Variants in WDFY4 observed in about 807,000 individuals in gnomAD.
WDFY4 encodes WD repeat- and FYVE domain-containing protein 4.
A neutral mutation model predicts 351.9 loss-of-function variants in WDFY4; 169 were observed. The observed-to-expected ratio is 0.48, with a 90% confidence interval of 0.42 to 0.55. The LOEUF (loss-of-function observed/expected upper bound fraction) is 0.55. WDFY4 is among the 20% of genes least tolerant of loss of function. The probability of loss-of-function intolerance (pLI) is 0.00; values close to 1 mark genes in which losing one functional copy is unlikely to be tolerated. For missense variants in WDFY4, 3,803 were observed against 3,935.6 expected (o/e 0.97, Z 0.90); for synonymous variants, 1,622 against 1,574.6 (o/e 1.03, Z -0.71).
In WDFY4 at chr10:48,982,772, G is replaced by GC. The variant is rs767018352; in HGVS notation, c.*198dup. 1.6e-6 allele frequency: 1 copy of GC among 621,134 alleles called. No individual in the cohort carries two copies. The highest frequency in any genetic ancestry group is 3.5e-5 in the East Asian group (1 of 28,734). 38.5% of individuals were successfully genotyped at this position (621,134 alleles called of 1,614,324 possible). A position where few individuals can be genotyped will look rare whatever the true frequency, so the allele number is the denominator to read the frequency against. On this transcript the variant is annotated 3_prime_UTR_variant, in exon 62 of 62. Coordinates refer to ENST00000325239, the MANE Select transcript of WDFY4 (RefSeq NM_001394531.1). The stretch of plus-strand genomic sequence containing the variant: ...GATGGGACTTCTATGAAAAGGATGA[G>GC]CACACACACTCGGAGGGCTGAGCAG...
At chr10:48,784,757 G>A (rs545900900) in intron 19 of WDFY4, among the ~76,000 whole-genome samples, 302 of 150,080 alleles carry the variant, frequency 2.0e-3, no homozygotes, top group African/African-American at 6.7e-3. Context: ...GGCCAGGATG[G>A]TCTCAATCTC....
chr10:48,743,340 T>C lies in WDFY4; in HGVS notation c.2251T>C (p.Ser751Pro). The C allele has an allele frequency of 6.4e-7, 1 of 1,551,614 alleles. No homozygotes were observed. Among genetic ancestry groups the C allele is most frequent in the Non-Finnish European group, 8.7e-7 (1 of 1,146,956 alleles). Residue 751 changes from serine (S) to proline (P), a missense_variant, in exon 12 of 62, where the codon TCC becomes CCC. Transcript: ENST00000325239. Reference protein sequence around the residue: ...PFADLLGTAFSSSGSLPPRIQ... With the variant: ...PFADLLGTAFPSSGSLPPRIQ... Reference sequence around the variant, plus strand: ...TGCAGATTTGCTGGGCACTGCCTTTTCCTCCAGCGGCTCACTCCCACCCCG... The same window carrying C: ...TGCAGATTTGCTGGGCACTGCCTTTCCCTCCAGCGGCTCACTCCCACCCCG...
chr10:48,809,809 C>T (rs925645949), intron 28 of WDFY4, among the ~76,000 whole-genome samples: 1 of 152,236 alleles, frequency 6.6e-6, no homozygotes, highest in African/African-American at 2.4e-5. Context: ...CTTCTCTTCA[C>T]TCCTAGTCCA....
intron 40 of WDFY4, among the ~76,000 whole-genome samples, chr10:48,869,000 A>G (rs1056075279): frequency 2.0e-5 from 3 of 152,200 alleles, no homozygotes; most frequent in African/African-American, 7.2e-5. Context: ...AAAGTTGTGC[A>G]ATTTTCCTGT....
intron 12 of WDFY4, among the ~76,000 whole-genome samples, chr10:48,756,452 T>C (rs2065340565): frequency 6.6e-6 from 1 of 152,050 alleles, no homozygotes; most frequent in African/African-American, 2.4e-5. Context: ...AATCTCATCG[T>C]CTGTGACTAG....
chr10:48,850,935 A>G (rs1190870233), intron 39 of WDFY4, among the ~76,000 whole-genome samples: 1 of 152,246 alleles, frequency 6.6e-6, no homozygotes, highest in Non-Finnish European at 1.5e-5. Context: ...AGCACATTGT[A>G]TATTCTGTTA....
Position 48,976,813 on chromosome 10 carries a change from G to A in WDFY4, c.9125G>A (p.Cys3042Tyr). ...ISDVSGTIVSCAGAHLSLWNV... is the reference protein window; with the variant it reads ...ISDVSGTIVSYAGAHLSLWNV... ...ACTGCACAGGGCACCATTGTCTCCT[G>A]TGCGGGAGCACACTTGTCCCTGTGG... is the stretch of plus-strand genomic sequence containing the variant. Residue 3042 changes from cysteine to tyrosine, a missense_variant, in exon 59 of 62, where the codon TGT becomes TAT. Around this residue, in one of 3 missense-constraint regions of WDFY4, gnomAD observed 3,054 missense variants for 3,148.6 expected, o/e 0.97. Coordinates refer to ENST00000325239, the MANE Select transcript of WDFY4 (RefSeq NM_001394531.1). 6.7e-7 allele frequency: 1 copy of A among 1,484,672 alleles called. No individual in the cohort carries two copies. Among genetic ancestry groups the A allele is most frequent in the Non-Finnish European group, 9.0e-7 (1 of 1,110,226 alleles). 92.0% of individuals were successfully genotyped at this position (1,484,672 alleles called of 1,614,324 possible).
intron 8 of WDFY4, among the ~76,000 whole-genome samples, chr10:48,730,550 ATTAT>A (rs1201267430): frequency 2.0e-5 from 3 of 152,164 alleles, no homozygotes; most frequent in African/African-American, 7.2e-5. Flanking sequence ...GGAAAGTGTA[ATTAT>A]TTATCAGCTT....
chr10:48,979,660 T>G (rs1354248569), intron 60 of WDFY4: 1 of 152,040 alleles, frequency 6.6e-6, no homozygotes, highest in African/African-American at 2.4e-5. Flanking sequence ...GATGGATGGA[T>G]GAATGGATGA....
intron 51 of WDFY4, among the ~76,000 whole-genome samples, chr10:48,947,404 G>T (rs970792186): frequency 6.6e-6 from 1 of 152,154 alleles, no homozygotes; most frequent in African/African-American, 2.4e-5. Context: ...AAACTGAAAG[G>T]CTTCGAAGGA....
chr10:48,754,045 A>G (rs573422842), intron 12 of WDFY4, among the ~76,000 whole-genome samples: 17 of 152,218 alleles, frequency 1.1e-4, no homozygotes, highest in African/African-American at 4.1e-4. Flanking sequence ...GCCTTTGTCT[A>G]TTAATGTGGT....
intron 14 of WDFY4, 63 bp from the exon 15 acceptor site, chr10:48,775,647 TAA>T: frequency 1.4e-6 from 2 of 1,452,294 alleles, no homozygotes; most frequent in Non-Finnish European, 1.9e-6. Context: ...GTTGTCAGGA[TAA>T]AGTTGGAGAA....
At chr10:48,722,553 T>A (rs1257868059) in intron 4 of WDFY4, among the ~76,000 whole-genome samples, 1 of 152,240 alleles carries the variant, frequency 6.6e-6, no homozygotes, top group African/African-American at 2.4e-5. Flanking sequence ...CGTCCTTCTC[T>A]TTCTCTGACT....
intron 13 of WDFY4, among the ~76,000 whole-genome samples, chr10:48,769,479 C>G (rs916382715): frequency 1.3e-5 from 2 of 152,156 alleles, no homozygotes; most frequent in Non-Finnish European, 2.9e-5. Flanking sequence ...CATCTCTCTT[C>G]AAAATCATGA....
At chr10:48,799,118 A>C (rs2066970930) in intron 24 of WDFY4, among the ~76,000 whole-genome samples, 1 of 152,150 alleles carries the variant, frequency 6.6e-6, no homozygotes, top group African/African-American at 2.4e-5. Context: ...CTAATGCAGG[A>C]ACCCATCATG....
chr10:48,874,283 T>A (rs1225351187), intron 41 of WDFY4, among the ~76,000 whole-genome samples: 1 of 152,216 alleles, frequency 6.6e-6, no homozygotes, highest in African/African-American at 2.4e-5. Flanking sequence ...TGTCGCAAAC[T>A]CTTATTTTGC....
intron 47 of WDFY4, among the ~76,000 whole-genome samples, chr10:48,929,475 T>C (rs1212325639): frequency 2.0e-5 from 3 of 152,080 alleles, no homozygotes; most frequent in African/African-American, 4.8e-5. Flanking sequence ...AGGAAGTTGA[T>C]TGGGTGGGTT....
At chr10:48,940,908 TTCTTTGG>T (rs1840719325) in intron 47 of WDFY4, among the ~76,000 whole-genome samples, 1 of 152,214 alleles carries the variant, frequency 6.6e-6, no homozygotes, top group Non-Finnish European at 1.5e-5. Flanking sequence ...ACAATGGGAC[TTCTTTGG>T]TTTGATATTT....
chr10:48,788,940 T>A (rs1270127961), intron 21 of WDFY4, among the ~76,000 whole-genome samples: 1 of 152,264 alleles, frequency 6.6e-6, no homozygotes, highest in Non-Finnish European at 1.5e-5. Flanking sequence ...TTTAAATACC[T>A]TTGCAACATT....
Sources: gnomAD v4.1 joint callset for allele counts (sites outside exome capture counted in the v4.1 genomes callset) on GRCh38, gnomAD v4.1.1 for gene constraint, gnomAD v4.1.1 regional missense constraint, MANE v1.5 for transcripts, NCBI Gene and HGNC (gene_info 2026-07-23, HGNC 2026-07-21) for gene names.